Variants in RPS6KC1 observed in about 807,000 individuals in gnomAD.
RPS6KC1 encodes inactive ribosomal protein S6 kinase delta-1.
Under a neutral mutation model 103.8 loss-of-function variants are expected in RPS6KC1, and 54 were observed. The ratio of observed to expected loss-of-function variants is 0.52; its 90% confidence interval spans 0.42 to 0.65. The LOEUF is 0.65. Among genes scored for constraint, RPS6KC1 ranks in the 30% least tolerant of loss-of-function variants. The pLI is 0.00. For missense variants in RPS6KC1, 1,151 were observed against 1,253.8 expected (o/e 0.92, Z 1.24); for synonymous variants, 439 against 438.7 (o/e 1.00, Z -0.01).
chr1:213,080,904 T>C (rs59865492), intron 3 of RPS6KC1, among the ~76,000 whole-genome samples: 7,273 of 152,342 alleles, frequency 0.048, 582 homozygotes, highest in African/African-American at 0.17. Context: ...TTGTTCATTA[T>C]AACACCAGGT....
the RPS6KC1 span, among the ~76,000 whole-genome samples, chr1:213,742,255 G>A: frequency 6.6e-6 from 1 of 152,214 alleles, no homozygotes; most frequent in Non-Finnish European, 1.5e-5. Flanking sequence ...GGGTATAATC[G>A]TGTATTTTGA....
chr1:213,625,928 C>A, the RPS6KC1 span, among the ~76,000 whole-genome samples: 1 of 152,090 alleles, frequency 6.6e-6, no homozygotes, highest in African/African-American at 2.4e-5. Context: ...GTTTTATAAT[C>A]CTTTGGGTAT....
the RPS6KC1 span, among the ~76,000 whole-genome samples, chr1:213,578,868 G>T: frequency 6.6e-6 from 1 of 152,054 alleles, no homozygotes; most frequent in East Asian, 1.9e-4. Context: ...AAGACTTTGG[G>T]GGACTTAGGA....
At chr1:213,592,752 G>T in the RPS6KC1 span, among the ~76,000 whole-genome samples, 1 of 152,198 alleles carries the variant, frequency 6.6e-6, no homozygotes, top group Non-Finnish European at 1.5e-5. Flanking sequence ...TTTCTGTTGT[G>T]CTAGGCCTTT....
At chr1:213,304,260 A>C in the RPS6KC1 span, among the ~76,000 whole-genome samples, 1 of 151,840 alleles carries the variant, frequency 6.6e-6, no homozygotes, top group South Asian at 2.1e-4. Context: ...AGCCTTCCTT[A>C]ACCCAGGACA....
chr1:213,595,701 C>A, the RPS6KC1 span, among the ~76,000 whole-genome samples: 5 of 152,182 alleles, frequency 3.3e-5, no homozygotes, highest in Non-Finnish European at 5.9e-5. Flanking sequence ...TTGCAGGATG[C>A]CTTTACCAGG....
the RPS6KC1 span, among the ~76,000 whole-genome samples, chr1:213,572,400 C>G: frequency 6.6e-6 from 1 of 152,214 alleles, no homozygotes; most frequent in Non-Finnish European, 1.5e-5. Context: ...GAGGAAATAA[C>G]CTGGTGCTTT....
the RPS6KC1 span, among the ~76,000 whole-genome samples, chr1:213,443,531 T>C: frequency 1.3e-5 from 2 of 152,186 alleles, no homozygotes; most frequent in African/African-American, 4.8e-5. Context: ...TTTGTCTATA[T>C]GGAAACGTGC....
intron 7 of RPS6KC1, among the ~76,000 whole-genome samples, chr1:213,174,501 C>T (rs2091717393): frequency 6.6e-6 from 1 of 151,970 alleles, no homozygotes. Flanking sequence ...GAAACTCCGT[C>T]TCTACTAAGA....
chr1:213,814,873 T>C, the RPS6KC1 span, among the ~76,000 whole-genome samples: 1 of 152,150 alleles, frequency 6.6e-6, no homozygotes, highest in Non-Finnish European at 1.5e-5. Flanking sequence ...TGGACACAAC[T>C]TTACCTTGTT....
chr1:213,392,558 C>G, the RPS6KC1 span, among the ~76,000 whole-genome samples: 1 of 152,236 alleles, frequency 6.6e-6, no homozygotes, highest in African/African-American at 2.4e-5. Context: ...CATGGAATTA[C>G]AGCTTCCAAA....
intron 1 of RPS6KC1, among the ~76,000 whole-genome samples, chr1:213,053,852 T>C (rs79638005): frequency 5.9e-5 from 9 of 151,488 alleles, no homozygotes; most frequent in Middle Eastern, 3.4e-3. Flanking sequence ...TTTTTTTTTT[T>C]CCAAGGCGTA....
At chr1:213,497,208 A>G in the RPS6KC1 span, among the ~76,000 whole-genome samples, 19 of 152,326 alleles carry the variant, frequency 1.2e-4, no homozygotes, top group Admixed American at 1.1e-3. Flanking sequence ...GATTTAATAA[A>G]TATGTTTTTA....
In RPS6KC1 at chr1:213,262,729, T is replaced by C; in HGVS notation, c.3003T>C (p.Val1001=). Residue 1001 remains valine, a synonymous_variant, in exon 14 of 15, where the codon GTT becomes GTC. Transcript: ENST00000366960. ...CTGATTGATTGTTTCAGACTCTGGTTGAATGCCATCCAGCAGGAATAAATA... is the reference window on the plus strand; with the variant it reads ...CTGATTGATTGTTTCAGACTCTGGTCGAATGCCATCCAGCAGGAATAAATA... The part of the protein sequence containing the change: ...LFELLTGKTL[V]ECHPAGINTH... 6.2e-7 allele frequency: 1 copy of C among 1,604,776 alleles called. No homozygotes were observed. The highest frequency in any genetic ancestry group is 8.5e-7 in the Non-Finnish European group (1 of 1,171,428).
At chr1:213,771,046 C>G in the RPS6KC1 span, among the ~76,000 whole-genome samples, 1 of 152,130 alleles carries the variant, frequency 6.6e-6, no homozygotes, top group Non-Finnish European at 1.5e-5. Flanking sequence ...CTCTTTTGTT[C>G]CTTCCTGTTT....
the RPS6KC1 span, among the ~76,000 whole-genome samples, chr1:213,351,711 TC>T: frequency 1.3e-5 from 2 of 152,160 alleles, no homozygotes; most frequent in African/African-American, 4.8e-5. Flanking sequence ...ACAAAAGGGC[TC>T]TTCTAAAATT....
the RPS6KC1 span, among the ~76,000 whole-genome samples, chr1:213,519,408 G>T: frequency 6.6e-6 from 1 of 152,150 alleles, no homozygotes; most frequent in African/African-American, 2.4e-5. Context: ...AAAGAAAGAG[G>T]TTTTTCAGAT....
At chr1:213,518,467 G>A in the RPS6KC1 span, among the ~76,000 whole-genome samples, 6,620 of 152,284 alleles carry the variant, frequency 0.043, 218 homozygotes, top group Non-Finnish European at 0.06. Context: ...CCAGAAGCTG[G>A]AAGAAGCAAG....
At chr1:213,625,384 A>G in the RPS6KC1 span, among the ~76,000 whole-genome samples, 4 of 151,760 alleles carry the variant, frequency 2.6e-5, no homozygotes, top group Non-Finnish European at 4.4e-5. Flanking sequence ...GTATGGAAAG[A>G]TTTGAAATTT....
Sources: allele counts gnomAD v4.1 joint callset (sites outside exome capture counted in the v4.1 genomes callset), GRCh38; gene constraint gnomAD v4.1.1; transcripts MANE v1.5; gene names NCBI Gene and HGNC (gene_info 2026-07-23, HGNC 2026-07-21).